DRD3: variants seen among roughly 807,000 people sequenced by gnomAD.
DRD3 encodes the protein dopamine receptor D3.
DRD3 carries 19 observed loss-of-function variants against 36.3 expected under a neutral mutation model. The observed-to-expected ratio is 0.52, with a 90% CI of 0.36 to 0.77. DRD3 has a LOEUF of 0.77. DRD3 is among the 30% of genes least tolerant of loss of function. The pLI is 0.00. For synonymous variants in DRD3, 195 were observed against 203.7 expected (o/e 0.96, Z 0.36); for missense variants, 465 against 505.3 (o/e 0.92, Z 0.77).
intron 5 of DRD3, among the ~76,000 whole-genome samples, chr3:114,137,542 C>G (rs559222056): frequency 4.0e-4 from 61 of 152,294 alleles, no homozygotes; most frequent in Admixed American, 8.5e-4. Context: ...AAGACCTTAA[C>G]AGGTCATCAG....
At chr3:114,176,468 G>C (rs2077900258) in intron 1 of DRD3, among the ~76,000 whole-genome samples, 1 of 152,092 alleles carries the variant, frequency 6.6e-6, no homozygotes, top group Non-Finnish European at 1.5e-5. Context: ...AGCTGCGTGT[G>C]ATGCCATGTG....
intron 1 of DRD3, among the ~76,000 whole-genome samples, chr3:114,194,847 C>T (rs1429668483): frequency 6.6e-6 from 1 of 151,120 alleles, no homozygotes; most frequent in South Asian, 2.1e-4. Context: ...TTTTTGAAAC[C>T]ACTTAAGTAA....
At chr3:114,156,281 C>T (rs570039307) in intron 3 of DRD3, among the ~76,000 whole-genome samples, 3 of 152,292 alleles carry the variant, frequency 2.0e-5, no homozygotes, top group South Asian at 2.1e-4. Flanking sequence ...GATCACATTA[C>T]TTCCTGGATA....
intron 5 of DRD3, 127 bp from the exon 6 acceptor site, chr3:114,131,527 G>A: frequency 1.6e-6 from 2 of 1,284,398 alleles, no homozygotes; most frequent in Non-Finnish European, 2.1e-6. Flanking sequence ...CCTACAAAGG[G>A]AACATCTGAG....
At chr3:114,194,840 T>C (rs1412294107) in intron 1 of DRD3, among the ~76,000 whole-genome samples, 1 of 152,082 alleles carries the variant, frequency 6.6e-6, no homozygotes, top group Non-Finnish European at 1.5e-5. Flanking sequence ...TTTTTTTTTT[T>C]TGAAACCACT....
chr3:114,143,291 G>T (rs984714614), intron 4 of DRD3, among the ~76,000 whole-genome samples: 1 of 152,184 alleles, frequency 6.6e-6, no homozygotes. Flanking sequence ...GGGAGGGGAG[G>T]TTACTCCTCC....
At position 114,128,748 on chromosome 3, in the gene DRD3, G is replaced by A. The variant is rs200007633; in HGVS notation, c.1171C>T (p.Arg391Trp). Residue 391 changes from arginine to tryptophan, a missense_variant, in exon 7 of 7, where the codon CGG becomes TGG. Coordinates refer to ENST00000383673, the MANE Select transcript of DRD3 (RefSeq NM_000796.6). ...VIYTTFNIEF[R>W]KAFLKILSC is the part of the protein sequence containing the mutation. ...GACAGGATCTTGAGGAAGGCTTTCC[G>A]GAACTCGATATTGAAGGTGGTATAG... 8 of 1,608,750 alleles carry A rather than the reference G, an allele frequency of 5.0e-6. No individual in the cohort carries two copies. Among genetic ancestry groups the A allele is most frequent in the Admixed American group, 1.7e-5 (1 of 59,134 alleles).
At position 114,134,564 on chromosome 3, in the gene DRD3, C is replaced by T. The variant is rs183532601; in HGVS notation, c.724-3164G>A. On this transcript the variant is annotated intron_variant, in intron 5 of 6. Transcript: ENST00000383673. ...ACTCCTGAGTAGCTGGGATTACAGG[C>T]GCCCACCATCACACCTGGCTAATTT... Among the ~76,000 whole-genome samples the T allele has an allele frequency of 5.5e-4, 84 of 151,706 alleles. 1 individual carries two copies. The highest frequency in any genetic ancestry group is 3.4e-3 in the Middle Eastern group (1 of 292).
intron 4 of DRD3, among the ~76,000 whole-genome samples, chr3:114,143,301 C>T (rs2077543068): frequency 6.6e-6 from 1 of 152,186 alleles, no homozygotes; most frequent in Non-Finnish European, 1.5e-5. Flanking sequence ...GTTACTCCTC[C>T]TCTGAGATTA....
At position 114,131,300 on chromosome 3, in the gene DRD3, T is replaced by G. The variant is rs750067173; in HGVS notation, c.824A>C (p.Glu275Ala). The change falls in exon 6 of 7, where the codon GAG becomes GCG. Residue 275 changes from glutamate (E) to alanine (A), a missense_variant. Glu to Ala is a moderately radical substitution (Grantham distance 107, BLOSUM62 -1). Transcript: ENST00000383673. ...GGPGFQERGG[E>A]LKREEKTRNS... Reference sequence around the variant, plus strand: ...CCGAGTCTTCTCCTCTCTTTTCAACTCTCCTCCTCTTTCTTGGAAGCCTGG... The same window carrying G: ...CCGAGTCTTCTCCTCTCTTTTCAACGCTCCTCCTCTTTCTTGGAAGCCTGG... 1.1e-5 allele frequency: 18 copies of G among 1,614,052 alleles called. No homozygotes were observed. The highest frequency in any genetic ancestry group is 1.5e-5 in the Non-Finnish European group (18 of 1,180,044).
chr3:114,140,173 A>C (rs939212982), intron 4 of DRD3, among the ~76,000 whole-genome samples: 7 of 152,212 alleles, frequency 4.6e-5, no homozygotes, highest in African/African-American at 9.7e-5. Flanking sequence ...TGAAAGGAAG[A>C]AGCCTTATTT....
intron 1 of DRD3, among the ~76,000 whole-genome samples, chr3:114,188,554 G>T (rs1047932336): frequency 2.6e-5 from 4 of 152,172 alleles, no homozygotes; most frequent in Non-Finnish European, 4.4e-5. Flanking sequence ...TCCTGGGGCT[G>T]ACTTGCCTCA....
At chr3:114,138,508 C>T (rs532339341) in intron 5 of DRD3, among the ~76,000 whole-genome samples, 1 of 152,258 alleles carries the variant, frequency 6.6e-6, no homozygotes, top group African/African-American at 2.4e-5. Context: ...GACTTATTCA[C>T]TATCATGAGA....
chr3:114,195,114 G>A (rs1056555597), intron 1 of DRD3, among the ~76,000 whole-genome samples: 2 of 152,144 alleles, frequency 1.3e-5, no homozygotes, highest in African/African-American at 2.4e-5. Flanking sequence ...TGGGGAACAG[G>A]GAGGAATAGA....
chr3:114,144,394 G>T (rs1434182291), intron 4 of DRD3, among the ~76,000 whole-genome samples: 1 of 152,162 alleles, frequency 6.6e-6, no homozygotes, highest in Non-Finnish European at 1.5e-5. Context: ...TCCACAGAAG[G>T]TGTAGAAAAA....
chr3:114,182,707 G>A (rs1404975787), upstream of DRD3, among the ~76,000 whole-genome samples: 1 of 151,994 alleles, frequency 6.6e-6, no homozygotes, highest in East Asian at 1.9e-4. Context: ...AGCCTACCAG[G>A]TTTAAGCGAT....
chr3:114,157,706 G>A (rs1364181525), intron 3 of DRD3, among the ~76,000 whole-genome samples: 3 of 152,166 alleles, frequency 2.0e-5, no homozygotes, highest in Non-Finnish European at 4.4e-5. Context: ...CAGCTAATTG[G>A]ATGATTTTTT....
intron 2 of DRD3, among the ~76,000 whole-genome samples, chr3:114,167,564 A>G (rs1005053591): frequency 6.6e-6 from 1 of 152,228 alleles, no homozygotes; most frequent in African/African-American, 2.4e-5. Context: ...GCTTGAGGAC[A>G]GAGAATACTG....
upstream of DRD3, among the ~76,000 whole-genome samples, chr3:114,182,034 G>A (rs2077950927): frequency 6.6e-6 from 1 of 152,192 alleles, no homozygotes; most frequent in African/African-American, 2.4e-5. Context: ...TGAACTGGAA[G>A]ATTTGATTAT....
Sources: allele counts gnomAD v4.1 joint callset (sites outside exome capture counted in the v4.1 genomes callset), GRCh38; gene constraint gnomAD v4.1.1; transcripts MANE v1.5; gene names NCBI Gene and HGNC (gene_info 2026-07-23, HGNC 2026-07-21).